RIMBP2: variants seen among roughly 807,000 people sequenced by gnomAD.
RIMBP2 encodes RIMS binding protein 2, also known as RIMS-binding protein 2.
A neutral mutation model predicts 118.6 loss-of-function variants in RIMBP2; 48 were observed. The observed-to-expected ratio is 0.40, with a 90% confidence interval of 0.32 to 0.51. The LOEUF (loss-of-function observed/expected upper bound fraction) is 0.51, where lower values mean the gene tolerates loss of function less well. Among genes scored for constraint, RIMBP2 ranks in the 20% least tolerant of loss-of-function variants. The pLI, the probability that RIMBP2 is intolerant of heterozygous loss-of-function variation, is 0.41. For missense variants in RIMBP2, 1,551 were observed against 1,768.3 expected (o/e 0.88, Z 2.20); for synonymous variants, 762 against 742.9 (o/e 1.03, Z -0.42).
intron 6 of RIMBP2, among the ~76,000 whole-genome samples, chr12:130,467,559 T>C (rs957897275): frequency 6.6e-6 from 1 of 152,220 alleles, no homozygotes; most frequent in African/African-American, 2.4e-5. Flanking sequence ...GGAAGACTGA[T>C]TGAGTAGTAA....
chr12:130,509,024 A>C (rs2050636809), intron 3 of RIMBP2, among the ~76,000 whole-genome samples: 1 of 152,150 alleles, frequency 6.6e-6, no homozygotes, highest in South Asian at 2.1e-4. Context: ...TGATCAAGAA[A>C]TGATGGATCA....
chr12:130,600,900 G>A (rs2059836312), intron 2 of RIMBP2, among the ~76,000 whole-genome samples: 1 of 152,150 alleles, frequency 6.6e-6, no homozygotes, highest in African/African-American at 2.4e-5. Flanking sequence ...TCTAGGGATG[G>A]TAACAGCTTC....
In RIMBP2 at chr12:130,404,576, C is replaced by T. The variant is rs570574677; in HGVS notation, c.3765+1596G>A. Among the ~76,000 whole-genome samples, 40 of 152,252 alleles carry T rather than the reference C, an allele frequency of 2.6e-4. No individual in the cohort carries two copies. The East Asian group carries it at 7.1e-3, about 27-fold the overall frequency. On this transcript the variant is annotated intron_variant, in intron 21 of 22. Transcript: ENST00000690449. Reference sequence around the variant, plus strand: ...CAGCCTCCGCATGAGTCACCGTGCCCGGCCGTTGGATCTATATAGTTCCTA... The same window carrying T: ...CAGCCTCCGCATGAGTCACCGTGCCTGGCCGTTGGATCTATATAGTTCCTA...
chr12:130,584,632 C>T (rs1430587923), intron 2 of RIMBP2, among the ~76,000 whole-genome samples: 1 of 151,370 alleles, frequency 6.6e-6, no homozygotes. Context: ...ATCATCACTG[C>T]CATCACCTCA....
At position 130,621,570 on chromosome 12, in the gene RIMBP2, A is replaced by T. The variant is rs1191377039; in HGVS notation, c.-217+6752T>A. Among the ~76,000 whole-genome samples, 1 of 152,166 alleles carries T rather than the reference A, an allele frequency of 6.6e-6. No individual in the cohort carries two copies. Among genetic ancestry groups the T allele is most frequent in the Non-Finnish European group, 1.5e-5 (1 of 68,030 alleles). On this transcript the variant is annotated intron_variant, in intron 2 of 22. Transcript: ENST00000690449. This position sits in a 1 kb window ranked among gnomAD's most constrained non-coding sequence, Gnocchi z 6.6. ...CTGAAATCTGAAGATCGCGACACAC[A>T]TAATATAATACCACGGGGCATAGCA...
At chr12:130,498,531 G>A (rs951426487) in intron 4 of RIMBP2, among the ~76,000 whole-genome samples, 1 of 152,032 alleles carries the variant, frequency 6.6e-6, no homozygotes. Context: ...GACCAGCAAG[G>A]GGGCCTCTGG....
intron 1 of RIMBP2, among the ~76,000 whole-genome samples, chr12:130,664,443 A>ACGCACACACACGCACG (rs1443250789): frequency 6.2e-5 from 4 of 64,614 alleles, no homozygotes; most frequent in South Asian, 4.9e-4. Flanking sequence ...ATGCACGCAC[A>ACGCACACACACGCACG]CACGCACACA....
intron 2 of RIMBP2, among the ~76,000 whole-genome samples, chr12:130,569,174 G>C (rs2057447120): frequency 6.6e-6 from 1 of 152,198 alleles, no homozygotes; most frequent in Non-Finnish European, 1.5e-5. Context: ...CAGCTCCCTG[G>C]GCCCTGGGAC....
At chr12:130,637,925 G>A (rs2062424647) in intron 1 of RIMBP2, among the ~76,000 whole-genome samples, 1 of 150,740 alleles carries the variant, frequency 6.6e-6, no homozygotes, top group Non-Finnish European at 1.5e-5. Context: ...TGGGGACTTT[G>A]GCATTGACTG....
intron 1 of RIMBP2, chr12:130,658,039 C>T (rs1301845189): frequency 6.6e-6 from 1 of 152,380 alleles, no homozygotes; most frequent in East Asian, 1.9e-4. Context: ...CTCCCAAGGG[C>T]TTGGGTTGTT....
At chr12:130,470,103 C>T (rs2080871472) in intron 6 of RIMBP2, 1 of 152,298 alleles carries the variant, frequency 6.6e-6, no homozygotes, top group Non-Finnish European at 1.5e-5. Flanking sequence ...CTTCCCAAGG[C>T]CCCAGTGGGA....
chr12:130,619,130 C>T (rs1314106001), intron 2 of RIMBP2, among the ~76,000 whole-genome samples: 1 of 152,124 alleles, frequency 6.6e-6, no homozygotes, highest in Non-Finnish European at 1.5e-5. Context: ...TTAATTAATC[C>T]ACTTCTTCCT....
intron 7 of RIMBP2, among the ~76,000 whole-genome samples, chr12:130,456,152 G>A (rs902376747): frequency 2.0e-5 from 3 of 152,228 alleles, no homozygotes; most frequent in African/African-American, 7.2e-5. Flanking sequence ...CGTTGCCAGT[G>A]CAGACTCTGC....
intron 1 of RIMBP2, among the ~76,000 whole-genome samples, chr12:130,686,300 G>A (rs1245695890): frequency 1.3e-5 from 2 of 152,126 alleles, no homozygotes; most frequent in African/African-American, 4.8e-5. Context: ...GTTAAGAAAC[G>A]CCTCTACCAC....
At chr12:130,702,631 G>C (rs1402883252) in intron 1 of RIMBP2, among the ~76,000 whole-genome samples, 1 of 152,062 alleles carries the variant, frequency 6.6e-6, no homozygotes, top group Non-Finnish European at 1.5e-5. Flanking sequence ...TAAGATGAAG[G>C]AGAAGAAAAT....
rs1566421927 is a variant in RIMBP2 at position 130,646,082 on chromosome 12, ACCAC to A, written c.-351-17630_-351-17627del. Reference sequence around the variant, plus strand: ...CACCACCTGCCTCTCCACCTCCCTCACCACTTCCCTCTCCACCTCCCTCTCCACC... The same window carrying A: ...CACCACCTGCCTCTCCACCTCCCTCATTCCCTCTCCACCTCCCTCTCCACC... On this transcript the variant is annotated intron_variant, in intron 1 of 22. Coordinates refer to ENST00000690449, the MANE Select transcript of RIMBP2 (RefSeq NM_001393629.1). 1.7e-3 allele frequency among the ~76,000 whole-genome samples: 159 copies of A among 94,286 alleles called. 6 individuals are homozygous for A. The highest frequency in any genetic ancestry group is 7.5e-3 in the South Asian group (20 of 2,680). 61.9% of individuals were successfully genotyped at this position (94,286 alleles called of 152,430 possible).
At chr12:130,559,169 A>T (rs2056613893) in intron 2 of RIMBP2, among the ~76,000 whole-genome samples, 1 of 152,168 alleles carries the variant, frequency 6.6e-6, no homozygotes, top group Non-Finnish European at 1.5e-5. Context: ...TGTGGTGAGA[A>T]GATTTGAAAT....
Position 130,647,801 on chromosome 12 carries a change from G to A in RIMBP2, c.-351-19345C>T, listed in dbSNP as rs1045696569. ...CCTCCATGTATTGGTGTGTGACTTT[G>A]CTGGTAACCTCTACCTCTCTGCCTT... On this transcript the variant is annotated intron_variant, in intron 1 of 22. Transcript: ENST00000690449. Among the ~76,000 whole-genome samples, 4 of 145,946 alleles carry A rather than the reference G, an allele frequency of 2.7e-5. 1 individual carries two copies. Among genetic ancestry groups the A allele is most frequent in the Non-Finnish European group, 6.2e-5 (4 of 64,406 alleles).
At position 130,623,545 on chromosome 12, in the gene RIMBP2, G is replaced by T. The variant is rs1345566607; in HGVS notation, c.-217+4777C>A. Among the ~76,000 whole-genome samples, 1 of 152,090 alleles carries T rather than the reference G, an allele frequency of 6.6e-6. No individual in the cohort carries two copies. The highest frequency in any genetic ancestry group is 1.5e-5 in the Non-Finnish European group (1 of 68,040). ...GTTAGGGGACAGTTAGTTAACTGTT[G>T]TCATCTGTGTGTGCATCTACATATA... is the stretch of plus-strand genomic sequence containing the variant. On this transcript the variant is annotated intron_variant, in intron 2 of 22. Transcript: ENST00000690449. This position sits in a 1 kb window ranked among gnomAD's most constrained non-coding sequence, Gnocchi z 4.1.
Sources: allele counts gnomAD v4.1 joint callset (sites outside exome capture counted in the v4.1 genomes callset), GRCh38; gene constraint gnomAD v4.1.1; non-coding constraint Gnocchi (gnomAD v3.1); transcripts MANE v1.5; gene names NCBI Gene and HGNC (gene_info 2026-07-23, HGNC 2026-07-21).